SEMA3C: variants seen among roughly 807,000 people sequenced by gnomAD.
SEMA3C encodes the protein semaphorin 3C.
Under a neutral mutation model 89.4 loss-of-function variants are expected in SEMA3C, and 47 were observed. That is an observed-to-expected ratio of 0.53 (90% CI 0.42 to 0.67). The LOEUF (loss-of-function observed/expected upper bound fraction) is 0.67. SEMA3C is among the 30% of genes least tolerant of loss of function. The probability of loss-of-function intolerance (pLI) is 0.00; values close to 1 mark genes in which losing one functional copy is unlikely to be tolerated. For synonymous variants in SEMA3C, 310 were observed against 320.2 expected (o/e 0.97, Z 0.34); for missense variants, 839 against 929.1 (o/e 0.90, Z 1.26).
chr7:80,843,795 G>T, intron 2 of SEMA3C, among the ~76,000 whole-genome samples: 1 of 152,058 alleles, frequency 6.6e-6, no homozygotes, highest in East Asian at 1.9e-4. Flanking sequence ...AAACCATTAT[G>T]ATATCTCAAG....
chr7:80,884,748 T>C (rs929867312), intron 2 of SEMA3C, among the ~76,000 whole-genome samples: 9 of 152,234 alleles, frequency 5.9e-5, no homozygotes, highest in African/African-American at 2.2e-4. Context: ...TGTTTCTTTG[T>C]AGAAGAATTT....
chr7:80,890,398 G>T (rs532645220), intron 2 of SEMA3C, among the ~76,000 whole-genome samples: 4 of 152,168 alleles, frequency 2.6e-5, no homozygotes, highest in Admixed American at 2.6e-4. Context: ...TAAGTTAAAA[G>T]TGTATAAAGA....
Position 80,863,057 on chromosome 7 carries a change from C to T in SEMA3C, c.104-34312G>A, listed in dbSNP as rs571954130. On this transcript the variant is annotated intron_variant, in intron 2 of 17. Coordinates refer to ENST00000265361, the MANE Select transcript of SEMA3C (RefSeq NM_006379.5). ...ATTTCATGACCCAGAACCCAAAAAG[C>T]AAATTCAATAAAAATAAAGATAAAT... Among the ~76,000 whole-genome samples, 462 of 152,000 alleles carry T rather than the reference C, an allele frequency of 3.0e-3. 2 individuals are homozygous for T. The highest frequency in any genetic ancestry group is 0.011 in the African/African-American group (447 of 41,496).
At chr7:80,807,171 A>C (rs1159127511) in intron 6 of SEMA3C, among the ~76,000 whole-genome samples, 2 of 152,168 alleles carry the variant, frequency 1.3e-5, no homozygotes, top group Admixed American at 1.3e-4. Flanking sequence ...GCAACTTTGT[A>C]AATAATTATT....
chr7:80,894,541 T>G (rs1444350048), intron 2 of SEMA3C, among the ~76,000 whole-genome samples: 1 of 152,166 alleles, frequency 6.6e-6, no homozygotes, highest in Non-Finnish European at 1.5e-5. Context: ...GTAACGGGAT[T>G]TGAACCCAGT....
chr7:80,863,625 C>T (rs181018629), intron 2 of SEMA3C, among the ~76,000 whole-genome samples: 7 of 149,354 alleles, frequency 4.7e-5, no homozygotes, highest in Admixed American at 4.0e-4. Flanking sequence ...CGTCAATCAA[C>T]GAGTAGATAA....
Position 80,862,158 on chromosome 7 carries a change from T to C in SEMA3C, c.104-33413A>G, listed in dbSNP as rs560679661. Among the ~76,000 whole-genome samples, 3 of 152,248 alleles carry C rather than the reference T, an allele frequency of 2.0e-5. No homozygotes were observed. In the East Asian group the frequency reaches 5.8e-4, roughly 29 times the overall value. On this transcript the variant is annotated intron_variant, in intron 2 of 17. Coordinates refer to ENST00000265361, the MANE Select transcript of SEMA3C (RefSeq NM_006379.5). ...GGTAAAGAGGAAGTCATACTGTCAC[T>C]GTTTGCTGATGATAGGACCATTTAC...
chr7:80,851,503 T>TAA (rs1790511112), intron 2 of SEMA3C, among the ~76,000 whole-genome samples: 1 of 77,602 alleles, frequency 1.3e-5, no homozygotes, highest in South Asian at 5.4e-4. Context: ...ACTCTTGTCT[T>TAA]TAAAAAAAAA....
intron 17 of SEMA3C, among the ~76,000 whole-genome samples, chr7:80,747,357 A>C (rs1227557877): frequency 6.6e-6 from 1 of 152,168 alleles, no homozygotes; most frequent in Non-Finnish European, 1.5e-5. Context: ...TATTTATTTT[A>C]AATCATAGAT....
chr7:80,833,520 T>C (rs1790057281), intron 2 of SEMA3C, among the ~76,000 whole-genome samples: 1 of 151,922 alleles, frequency 6.6e-6, no homozygotes, highest in South Asian at 2.1e-4. Flanking sequence ...TTAATTCAAA[T>C]ACTGCAGGGA....
At position 80,818,367 on chromosome 7, in the gene SEMA3C, A is replaced by G; in HGVS notation, c.379T>C (p.Leu127=). ...RVIQTFNRTH[L]YVCGSGAFSP... Reference sequence around the variant, plus strand: ...AAAGCGCCACTCCCACAGACATACAAATGTGTGCGATTGAAAGTCTGAATT... The same window carrying G: ...AAAGCGCCACTCCCACAGACATACAGATGTGTGCGATTGAAAGTCTGAATT... Residue 127 remains leucine (L), a synonymous_variant, in exon 5 of 18, where the codon TTG becomes CTG. Transcript: ENST00000265361. 1.2e-6 allele frequency: 2 copies of G among 1,613,560 alleles called. No homozygotes were observed. The highest frequency in any genetic ancestry group is 1.3e-5 in the African/African-American group (1 of 75,040).
At chr7:80,800,485 C>T (rs1789175601) in intron 10 of SEMA3C, among the ~76,000 whole-genome samples, 3 of 152,146 alleles carry the variant, frequency 2.0e-5, no homozygotes, top group South Asian at 2.1e-4. Context: ...GAAAAAATCA[C>T]GTATTTTTTC....
At chr7:80,779,417 T>C (rs1788640218) in intron 12 of SEMA3C, among the ~76,000 whole-genome samples, 1 of 152,192 alleles carries the variant, frequency 6.6e-6, no homozygotes, top group South Asian at 2.1e-4. Flanking sequence ...TGCTATTTCT[T>C]TCCCCCATTT....
intron 2 of SEMA3C, among the ~76,000 whole-genome samples, chr7:80,912,920 T>C (rs1443534933): frequency 1.3e-5 from 2 of 152,182 alleles, no homozygotes; most frequent in Non-Finnish European, 2.9e-5. Context: ...CCAATAACAA[T>C]TCATCAGCTT....
chr7:80,863,964 C>G (rs1378722098), intron 2 of SEMA3C, among the ~76,000 whole-genome samples: 1 of 133,110 alleles, frequency 7.5e-6, no homozygotes, highest in Admixed American at 7.4e-5. Context: ...ACATGTATAT[C>G]ACATATATAT....
At chr7:80,917,021 A>G (rs1428614895) in intron 1 of SEMA3C, among the ~76,000 whole-genome samples, 1 of 152,208 alleles carries the variant, frequency 6.6e-6, no homozygotes, top group African/African-American at 2.4e-5. Flanking sequence ...AGTCTTTGCA[A>G]CAAGAGAAAC....
intron 2 of SEMA3C, among the ~76,000 whole-genome samples, chr7:80,857,657 C>T (rs2115971152): frequency 6.6e-6 from 1 of 152,218 alleles, no homozygotes; most frequent in East Asian, 1.9e-4. Context: ...TCGATCAAAA[C>T]TTATTTTCTA....
chr7:80,776,586 T>G (rs1015414739), intron 12 of SEMA3C, among the ~76,000 whole-genome samples: 6 of 152,232 alleles, frequency 3.9e-5, no homozygotes, highest in Admixed American at 2.0e-4. Context: ...CTTCACCTGT[T>G]ACATAAATTA....
intron 2 of SEMA3C, among the ~76,000 whole-genome samples, chr7:80,877,488 AG>A (rs1791228247): frequency 6.6e-6 from 1 of 152,208 alleles, no homozygotes; most frequent in Non-Finnish European, 1.5e-5. Flanking sequence ...ATCTCTGTAA[AG>A]ATTAATCTCA....
Sources: gnomAD v4.1 joint callset for allele counts (sites outside exome capture counted in the v4.1 genomes callset) on GRCh38, gnomAD v4.1.1 for gene constraint, MANE v1.5 for transcripts, NCBI Gene and HGNC (gene_info 2026-07-23, HGNC 2026-07-21) for gene names.